PRKG1: variants seen among roughly 807,000 people sequenced by gnomAD.
PRKG1 encodes the protein cGMP-dependent protein kinase 1.
Under a neutral mutation model 88.1 loss-of-function variants are expected in PRKG1, and 35 were observed. That is an observed-to-expected ratio of 0.40 (90% CI 0.30 to 0.53). The LOEUF (loss-of-function observed/expected upper bound fraction) is 0.53, where lower values mean the gene tolerates loss of function less well. Among genes scored for constraint, PRKG1 ranks in the 20% least tolerant of loss-of-function variants. The pLI, the probability that PRKG1 is intolerant of heterozygous loss-of-function variation, is 0.59. For synonymous variants in PRKG1, 303 were observed against 292.5 expected (o/e 1.04, Z -0.37); for missense variants, 540 against 839.8 (o/e 0.64, Z 4.41).
At chr10:51,538,784 A>G in intron 3 of PRKG1, among the ~76,000 whole-genome samples, 1 of 152,102 alleles carries the variant, frequency 6.6e-6, no homozygotes, top group Middle Eastern at 3.2e-3. Flanking sequence ...TCCAGCCATT[A>G]AATAATTTCC....
Position 51,458,945 on chromosome 10 carries a change from T to C in PRKG1, c.479-8778T>C, listed in dbSNP as rs148140312. Among the ~76,000 whole-genome samples, 3 of 152,248 alleles carry C rather than the reference T, an allele frequency of 2.0e-5. No homozygotes were observed. In the East Asian group the frequency reaches 5.8e-4, roughly 29 times the overall value. ...AGGTGTCATGGAACCAATCCCCAGG[T>C]ATATTGAAGAATGACTCTATTCACT... On this transcript the variant is annotated intron_variant, in intron 2 of 17. Transcript: ENST00000373980.
chr10:51,591,145 A>ATG (rs4041277), intron 3 of PRKG1, among the ~76,000 whole-genome samples: 126 of 150,814 alleles, frequency 8.4e-4, no homozygotes, highest in African/African-American at 2.8e-3. Context: ...GAAAAGTAGT[A>ATG]TGTGTGTGTG....
chr10:52,192,745 GA>G lies in PRKG1; in HGVS notation c.1076+30790del, dbSNP rs573468113. ...AAGATATTAAGTATTTATATAAAAA[GA>G]AAAAAAATATATATTTGTTTGGATG... On this transcript the variant is annotated intron_variant, in intron 9 of 17. Coordinates refer to ENST00000373980, the MANE Select transcript of PRKG1 (RefSeq NM_006258.4). 2.7e-3 allele frequency among the ~76,000 whole-genome samples: 407 copies of G among 151,514 alleles called. 1 individual carries two copies. Among genetic ancestry groups the G allele is most frequent in the African/African-American group, 7.8e-3 (323 of 41,370 alleles).
At chr10:51,873,704 C>T (rs1315858982) in intron 4 of PRKG1, among the ~76,000 whole-genome samples, 1 of 151,768 alleles carries the variant, frequency 6.6e-6, no homozygotes. Context: ...AATTTCTGTA[C>T]TTTTAGTAGA....
At chr10:52,050,207 A>G (rs1845957634) in intron 5 of PRKG1, among the ~76,000 whole-genome samples, 1 of 152,038 alleles carries the variant, frequency 6.6e-6, no homozygotes, top group Admixed American at 6.6e-5. Flanking sequence ...CAAGGAACCA[A>G]TCTCAGAAGG....
At chr10:51,913,054 G>A (rs1482986773) in intron 5 of PRKG1, among the ~76,000 whole-genome samples, 2 of 152,002 alleles carry the variant, frequency 1.3e-5, no homozygotes, top group African/African-American at 2.4e-5. Context: ...TCAGTCTCCC[G>A]AGTAGCTGGG....
At chr10:51,520,256 CAT>C (rs1374304061) in intron 3 of PRKG1, among the ~76,000 whole-genome samples, 1 of 140,036 alleles carries the variant, frequency 7.1e-6, no homozygotes, top group Admixed American at 7.5e-5. Context: ...TATGGATATA[CAT>C]ATAGAGTTAT....
At chr10:51,606,521 A>T (rs958659933) in intron 3 of PRKG1, among the ~76,000 whole-genome samples, 1 of 152,220 alleles carries the variant, frequency 6.6e-6, no homozygotes, top group African/African-American at 2.4e-5. Context: ...TACATGTCAT[A>T]TCCAGTAAAG....
At position 50,991,664 on chromosome 10, in the gene PRKG1, GCC is replaced by G; in HGVS notation, c.266+22_266+23del. 1.4e-6 allele frequency: 2 copies of G among 1,465,762 alleles called. No individual in the cohort carries two copies. Among genetic ancestry groups the G allele is most frequent in the South Asian group, 2.6e-5 (2 of 76,284 alleles). 90.8% of individuals were successfully genotyped at this position (1,465,762 alleles called of 1,614,324 possible). On this transcript the variant is annotated intron_variant, in intron 1 of 17. Transcript: ENST00000401604. This position sits in a 1 kb window ranked among gnomAD's most constrained non-coding sequence, Gnocchi z 4.5. ...CGAAAGGTAGGCGCGGAGGCCGTGG[GCC>G]CGGGCGCTCGTCCCGGCCCGCGGCG...
At chr10:51,125,426 G>A (rs1845371036) in intron 1 of PRKG1, among the ~76,000 whole-genome samples, 1 of 150,624 alleles carries the variant, frequency 6.6e-6, no homozygotes, top group Admixed American at 6.6e-5. Context: ...AGTGGCTGAA[G>A]CCTGTAATCT....
At chr10:51,987,431 T>A (rs555630820) in intron 5 of PRKG1, among the ~76,000 whole-genome samples, 1 of 151,818 alleles carries the variant, frequency 6.6e-6, no homozygotes, top group South Asian at 2.1e-4. Flanking sequence ...TTGTTAAATG[T>A]TGACATGTAA....
chr10:51,144,212 A>C (rs950853029), intron 1 of PRKG1, among the ~76,000 whole-genome samples: 1 of 152,040 alleles, frequency 6.6e-6, no homozygotes, highest in South Asian at 2.1e-4. Flanking sequence ...CCTTTGAAAA[A>C]TTAGAGATAA....
intron 1 of PRKG1, among the ~76,000 whole-genome samples, chr10:51,118,903 G>C (rs1480299571): frequency 1.3e-5 from 2 of 152,102 alleles, no homozygotes; most frequent in East Asian, 1.9e-4. Context: ...TGAATGTTAA[G>C]CTTCAAATTA....
chr10:52,022,428 C>T (rs1465234213), intron 5 of PRKG1, among the ~76,000 whole-genome samples: 1 of 152,084 alleles, frequency 6.6e-6, no homozygotes, highest in Non-Finnish European at 1.5e-5. Context: ...ATTTGGTACT[C>T]TAATTTCTGA....
intron 1 of PRKG1, among the ~76,000 whole-genome samples, chr10:51,015,396 T>C (rs1465251006): frequency 1.3e-5 from 2 of 152,230 alleles, no homozygotes; most frequent in Non-Finnish European, 2.9e-5. Context: ...TTTTTTCCAA[T>C]TATAGGTTTT....
At chr10:52,274,567 G>T (rs1195487798) in intron 12 of PRKG1, among the ~76,000 whole-genome samples, 2 of 147,352 alleles carry the variant, frequency 1.4e-5, no homozygotes, top group East Asian at 2.0e-4. Context: ...ATATATATAT[G>T]CCCTCATATA....
chr10:52,081,773 G>A lies in PRKG1; in HGVS notation c.935+19142G>A, dbSNP rs1846781898. On this transcript the variant is annotated intron_variant, in intron 7 of 17. Coordinates refer to ENST00000373980, the MANE Select transcript of PRKG1 (RefSeq NM_006258.4). ...GGAATTTGCAATTTTAAGTAGGGTGGTCGGTATGGTCCTCATTGAGAAAGT... is the reference window on the plus strand; with the variant it reads ...GGAATTTGCAATTTTAAGTAGGGTGATCGGTATGGTCCTCATTGAGAAAGT... The A allele has an allele frequency of 2.3e-5, 10 of 442,998 alleles. 1 individual carries two copies. Among genetic ancestry groups the A allele is most frequent in the South Asian group, 1.4e-4 (9 of 62,724 alleles). 27.4% of individuals were successfully genotyped at this position (442,998 alleles called of 1,614,324 possible). A position where few individuals can be genotyped will look rare whatever the true frequency, so the allele number is the denominator to read the frequency against.
At chr10:52,113,157 A>G (rs888583984) in intron 7 of PRKG1, among the ~76,000 whole-genome samples, 1 of 152,220 alleles carries the variant, frequency 6.6e-6, no homozygotes, top group African/African-American at 2.4e-5. Context: ...GCACATGGTG[A>G]TCACTCAGTA....
intron 4 of PRKG1, among the ~76,000 whole-genome samples, chr10:51,848,851 AT>A (rs752886518): frequency 0.034 from 4,509 of 131,324 alleles, 93 homozygotes; most frequent in African/African-American, 0.069. Context: ...TTGCGTTTCT[AT>A]TTTTTTTTTT....
Sources: allele counts gnomAD v4.1 joint callset (sites outside exome capture counted in the v4.1 genomes callset), GRCh38; gene constraint gnomAD v4.1.1; non-coding constraint Gnocchi (gnomAD v3.1); transcripts MANE v1.5; gene names NCBI Gene and HGNC (gene_info 2026-07-23, HGNC 2026-07-21).